Variants in YPEL3 observed in about 807,000 individuals in gnomAD.
YPEL3 encodes yippee like 3.
In YPEL3, 5 loss-of-function variants were observed where a neutral mutation model predicts 17.5. That is an observed-to-expected ratio of 0.29 (90% CI 0.15 to 0.60). The LOEUF (loss-of-function observed/expected upper bound fraction) is 0.60. YPEL3 is among the 20% of genes least tolerant of loss of function. The pLI is 0.87. For synonymous variants in YPEL3, 87 were observed against 87.2 expected (o/e 1.00, Z 0.01); for missense variants, 155 against 211.4 (o/e 0.73, Z 1.65).
rs12444973 is a variant in YPEL3, at chr16:30,095,964, A to T, written c.-482T>A. 76,252 of 145,532 alleles carry T rather than the reference A, an allele frequency of 0.52. 20,208 individuals carry two copies. The highest frequency in any genetic ancestry group is 0.66 in the African/African-American group (26,306 of 39,988). 9.0% of individuals were successfully genotyped at this position (145,532 alleles called of 1,614,324 possible). ...CTACGCTCAGGGGCTCTTACCTGCA[A>T]CGCGGAGCCTTACCTGGACTCCGGG... On this transcript the variant is annotated 5_prime_UTR_variant, in exon 1 of 4. In the 5' UTR this introduces an upstream ATG that the reference lacks. Transcript: ENST00000398841. This position sits in a 1 kb window ranked among gnomAD's most constrained non-coding sequence, Gnocchi z 5.4.
chr16:30,095,287 C>T lies in YPEL3; in HGVS notation c.196G>A (p.Ala66Thr). Reference sequence around the variant, plus strand: ...AGGTCGTCGTGGTTGGCCAGGTGAGCGCGGCAGTGGGCACAGCTATACCTC... The same window carrying T: ...AGGTCGTCGTGGTTGGCCAGGTGAGTGCGGCAGTGGGCACAGCTATACCTC... ...HRRYSCAHCRAHLANHDDLIS... is the reference protein window; with the variant it reads ...HRRYSCAHCRTHLANHDDLIS... Residue 66 changes from alanine to threonine, a missense_variant, in exon 1 of 4, where the codon GCT (alanine) becomes ACT (threonine). Ala to Thr is a moderately conservative substitution (Grantham distance 58). Around this residue, in one of 3 missense-constraint regions of YPEL3, gnomAD observed 74 missense variants for 134.9 expected, o/e 0.55. Coordinates refer to ENST00000398841, the MANE Select transcript of YPEL3 (RefSeq NM_031477.5). The surrounding 1 kb of genome is among the most constrained non-coding windows in gnomAD (Gnocchi z 5.4). 2 of 1,614,148 alleles carry T rather than the reference C, an allele frequency of 1.2e-6. No homozygotes were observed. The highest frequency in any genetic ancestry group is 1.7e-6 in the Non-Finnish European group (2 of 1,180,012).
At chr16:30,092,948 A>T in intron 3 of YPEL3, 149 bp from the exon 4 acceptor site, 2 of 634,362 alleles carry the variant, frequency 3.2e-6, no homozygotes, top group Non-Finnish European at 5.6e-6. Context: ...AACACAGAGT[A>T]GAATAGAACT....
chr16:30,092,699 G>T lies in YPEL3; in HGVS notation c.*11C>A, dbSNP rs2072745623. ...GCCGGGCTGGAGCCACATGCGTCGG[G>T]GGAGCGGGGGTCAGTCCCAGCCGTT... On this transcript the variant is annotated 3_prime_UTR_variant, in exon 4 of 4. Coordinates refer to ENST00000398841, the MANE Select transcript of YPEL3 (RefSeq NM_031477.5). The T allele has an allele frequency of 6.2e-7, 1 of 1,613,786 alleles. No individual in the cohort carries two copies. Among genetic ancestry groups the T allele is most frequent in the Non-Finnish European group, 8.5e-7 (1 of 1,179,822 alleles).
Position 30,095,031 on chromosome 16 carries a change from C to A in YPEL3, c.275+72G>T. The stretch of plus-strand genomic sequence containing the variant: ...GCCTGCACCGGGGAACTCTGGGAGT[C>A]TCAGCAGGATGCCAGGGGTCACAGG... On this transcript the variant is annotated intron_variant, in intron 2 of 3. Transcript: ENST00000398841. This position sits in a 1 kb window ranked among gnomAD's most constrained non-coding sequence, Gnocchi z 5.4. 2.5e-6 allele frequency: 4 copies of A among 1,609,004 alleles called. No homozygotes were observed. The highest frequency in any genetic ancestry group is 1.1e-5 in the South Asian group (1 of 90,860).
At position 30,095,797 on chromosome 16, in the gene YPEL3, G is replaced by T; in HGVS notation, c.-315C>A. The T allele has an allele frequency of 2.7e-6, 1 of 365,976 alleles. No individual in the cohort carries two copies. The highest frequency in any genetic ancestry group is 5.0e-6 in the Non-Finnish European group (1 of 200,846). 22.7% of individuals were successfully genotyped at this position (365,976 alleles called of 1,614,324 possible). On this transcript the variant is annotated 5_prime_UTR_variant, in exon 1 of 4. Transcript: ENST00000398841. The surrounding 1 kb of genome is among the most constrained non-coding windows in gnomAD (Gnocchi z 5.4). ...TGGTTGGTCCTTGCGACCTCATCTG[G>T]AGAGCAGTGGGGTTCACTGGTGGTT...
In YPEL3 at chr16:30,094,864, C is replaced by CCG; in HGVS notation, c.307_308dup (p.Val104GlyfsTer4). ...CAGCATGGAGGCCGGTCAGCAGCAC[C>CCG]CGCTCCTCGGCTGGCCCGCAGCCCA... On this transcript the variant is annotated frameshift_variant, in exon 3 of 4. Coordinates refer to ENST00000398841, the MANE Select transcript of YPEL3 (RefSeq NM_031477.5). LOFTEE classifies it high-confidence loss of function. The CCG allele has an allele frequency of 6.2e-7, 1 of 1,613,864 alleles. No homozygotes were observed. Among genetic ancestry groups the CCG allele is most frequent in the Non-Finnish European group, 8.5e-7 (1 of 1,179,910 alleles).
rs183394916 is a variant in YPEL3, at chr16:30,094,559, A to G, written c.384+230T>C. 4 of 568,860 alleles carry G rather than the reference A, an allele frequency of 7.0e-6. No homozygotes were observed. In the African/African-American group the frequency reaches 7.5e-5, roughly 11 times the overall value. 35.2% of individuals were successfully genotyped at this position (568,860 alleles called of 1,614,324 possible). A position where few individuals can be genotyped will look rare whatever the true frequency, so the allele number is the denominator to read the frequency against. ...CATTCCATAAATGGTGACTCTGATT[A>G]TATCCTAACTCTCTAATGGGGATCC... On this transcript the variant is annotated intron_variant, in intron 3 of 3. Coordinates refer to ENST00000398841, the MANE Select transcript of YPEL3 (RefSeq NM_031477.5).
rs368612155 is a variant in YPEL3 at position 30,095,416 on chromosome 16, A to C, written c.67T>G (p.Ser23Ala). The C allele has an allele frequency of 1.2e-5, 20 of 1,607,968 alleles. No individual in the cohort carries two copies. The highest frequency in any genetic ancestry group is 1.7e-5 in the Non-Finnish European group (20 of 1,177,016). The part of the protein sequence containing the change: ...PPRQALGSLC[S>A]PWAAPRVGPL... ...CCCACGCGGGGAGCGGCCCACGGGGAGCAGAGGGAGCCCAGTGCCTGCCGG... is the reference window on the plus strand; with the variant it reads ...CCCACGCGGGGAGCGGCCCACGGGGCGCAGAGGGAGCCCAGTGCCTGCCGG... The change falls in exon 1 of 4, where the codon TCC (serine) becomes GCC (alanine). Residue 23 changes from serine (S) to alanine (A), a missense_variant. Ser to Ala is a moderately conservative substitution (Grantham distance 99, BLOSUM62 1). This residue lies in a region of YPEL3 where 58 missense variants were observed against 60.0 expected (regional missense o/e 0.97). Transcript: ENST00000398841. This position sits in a 1 kb window ranked among gnomAD's most constrained non-coding sequence, Gnocchi z 5.4.
At chr16:30,094,639 G>A (rs1001849338) in intron 3 of YPEL3, 150 bp downstream of exon 3, 22 of 745,862 alleles carry the variant, frequency 2.9e-5, no homozygotes, top group Non-Finnish European at 5.0e-5. Context: ...CCCCTTGCAA[G>A]GTGCAAGATA....
chr16:30,095,148 TA>T lies in YPEL3; in HGVS notation c.232-3del. The T allele has an allele frequency of 1.9e-6, 3 of 1,614,050 alleles. No individual in the cohort carries two copies. Among genetic ancestry groups the T allele is most frequent in the Non-Finnish European group, 2.5e-6 (3 of 1,179,968 alleles). On this transcript the variant is annotated splice_region_variant and splice_polypyrimidine_tract_variant and intron_variant, in intron 1 of 3. Transcript: ENST00000398841. The surrounding 1 kb of genome is among the most constrained non-coding windows in gnomAD (Gnocchi z 5.4). ...ACGCCCCTGACTGCCCTGGAAGGACTAAAGGGTGAGAGGGTGGGAAGAGAGG... is the reference window on the plus strand; with the variant it reads ...ACGCCCCTGACTGCCCTGGAAGGACTAAGGGTGAGAGGGTGGGAAGAGAGG...
Position 30,092,633 on chromosome 16 carries a change from C to T in YPEL3, c.*77G>A. On this transcript the variant is annotated 3_prime_UTR_variant, in exon 4 of 4. Coordinates refer to ENST00000398841, the MANE Select transcript of YPEL3 (RefSeq NM_031477.5). ...AGGGGCTCTGAGGGTCCAGAGCTCC[C>T]TTCGGGTGGCGGGAAGCCAGTGGCG... 7.1e-7 allele frequency: 1 copy of T among 1,417,782 alleles called. No individual in the cohort carries two copies. Among genetic ancestry groups the T allele is most frequent in the South Asian group, 1.2e-5 (1 of 86,846 alleles). The allele number at this position is 1,417,782 out of a possible 1,614,324, so 87.8% of individuals were successfully genotyped here.
At chr16:30,092,834 AAC>A (rs758621310) in intron 3 of YPEL3, 35 bp from the exon 4 acceptor site, 3 of 1,593,634 alleles carry the variant, frequency 1.9e-6, no homozygotes, top group African/African-American at 2.7e-5. Flanking sequence ...TCCCCGGAGC[AAC>A]AGTCTCACCA....
intron 3 of YPEL3, chr16:30,094,534 C>T: frequency 1.9e-6 from 1 of 522,788 alleles, no homozygotes; most frequent in South Asian, 2.0e-5. Context: ...GGCACATAAA[C>T]ATTCCATAAA....
rs2072777309 is a variant in YPEL3, at chr16:30,095,017, G to C, written c.275+86C>G. The C allele has an allele frequency of 6.2e-7, 1 of 1,602,908 alleles. No homozygotes were observed. The highest frequency in any genetic ancestry group is 1.1e-5 in the South Asian group (1 of 90,710). On this transcript the variant is annotated intron_variant, in intron 2 of 3. Coordinates refer to ENST00000398841, the MANE Select transcript of YPEL3 (RefSeq NM_031477.5). This position sits in a 1 kb window ranked among gnomAD's most constrained non-coding sequence, Gnocchi z 5.4. Reference sequence around the variant, plus strand: ...GCTCACAATTTCCTGCCTGCACCGGGGAACTCTGGGAGTCTCAGCAGGATG... The same window carrying C: ...GCTCACAATTTCCTGCCTGCACCGGCGAACTCTGGGAGTCTCAGCAGGATG...
In YPEL3 at chr16:30,092,776, C is replaced by T. The variant is rs576139733; in HGVS notation, c.408G>A (p.Gln136=). 4 of 1,614,178 alleles carry T rather than the reference C, an allele frequency of 2.5e-6. No individual in the cohort carries two copies. In the East Asian group the frequency reaches 8.9e-5, roughly 36 times the overall value. The change falls in exon 4 of 4, where the codon CAG becomes CAA. Residue 136 remains glutamine, a synonymous_variant. Transcript: ENST00000398841. ...TGATGTACTTCCCCTCTTTGTACTT[C>T]TGGCTGCTCTCAAAGGCCTGTTCCT... ...WKYEQAFESS[Q]KYKEGKYIIE...
Position 30,095,200 on chromosome 16 carries a change from G to C in YPEL3, c.231+52C>G. 2 of 1,613,876 alleles carry C rather than the reference G, an allele frequency of 1.2e-6. No homozygotes were observed. The highest frequency in any genetic ancestry group is 1.7e-6 in the Non-Finnish European group (2 of 1,179,746). The stretch of plus-strand genomic sequence containing the variant: ...AGGGGGTCAGGGCTGCCGGTGGGGA[G>C]CTGCCAGGCAGCCCCTATAGGTTCC... On this transcript the variant is annotated intron_variant, in intron 1 of 3. Transcript: ENST00000398841. The surrounding 1 kb of genome is among the most constrained non-coding windows in gnomAD (Gnocchi z 5.4).
Position 30,092,754 on chromosome 16 carries a change from T to G in YPEL3, c.430A>C (p.Ile144Leu), listed in dbSNP as rs2072746923. The G allele has an allele frequency of 6.2e-7, 1 of 1,614,084 alleles. No individual in the cohort carries two copies. The highest frequency in any genetic ancestry group is 1.3e-5 in the African/African-American group (1 of 74,936). Residue 144 changes from isoleucine (I) to leucine (L), a missense_variant, in exon 4 of 4, where the codon ATC (isoleucine) becomes CTC (leucine). By Grantham distance (5) the Ile-to-Leu change is conservative. Coordinates refer to ENST00000398841, the MANE Select transcript of YPEL3 (RefSeq NM_031477.5). ...TTGATCATGTGGTTGAGTTCAATGA[T>G]GTACTTCCCCTCTTTGTACTTCTGG... is the stretch of plus-strand genomic sequence containing the variant. The part of the protein sequence containing the change: ...SSQKYKEGKY[I>L]IELNHMIKDN...
intron 3 of YPEL3, 102 bp downstream of exon 3, chr16:30,094,687 C>T (rs995200650): frequency 1.6e-5 from 17 of 1,088,746 alleles, no homozygotes; most frequent in African/African-American, 9.3e-5. Flanking sequence ...TGTGTGAGCT[C>T]GGCCTATGCA....
chr16:30,092,851 G>GCTCAC, intron 3 of YPEL3, 52 bp from the exon 4 acceptor site: 2 of 1,545,614 alleles, frequency 1.3e-6, no homozygotes, highest in South Asian at 2.2e-5. Flanking sequence ...TCACCACAAG[G>GCTCAC]CACTGGGGTT....
Sources: allele counts gnomAD v4.1 joint callset, GRCh38; gene constraint gnomAD v4.1.1; regional missense constraint gnomAD v4.1.1; non-coding constraint Gnocchi (gnomAD v3.1); transcripts MANE v1.5; gene names NCBI Gene and HGNC (gene_info 2026-07-23, HGNC 2026-07-21).